The following CTNNA3 variants were observed in gnomAD, a reference collection of about 807,000 sequenced individuals.
CTNNA3 encodes the protein catenin alpha-3.
A neutral mutation model predicts 95.7 loss-of-function variants in CTNNA3; 76 were observed. That is an observed-to-expected ratio of 0.79 (90% CI 0.66 to 0.96). The LOEUF is 0.96. Ranked by LOEUF, CTNNA3 falls within the 40% of genes least tolerant of loss-of-function variation. The pLI is 0.00. For missense variants in CTNNA3, 1,191 were observed against 1,089.8 expected, an observed-to-expected ratio of 1.09 and a Z score of -1.31; for synonymous variants, 431 against 374.4, an observed-to-expected ratio of 1.15 and a Z score of -1.74.
chr10:66,385,526 G>T (rs911061575), intron 11 of CTNNA3, among the ~76,000 whole-genome samples: 1 of 152,104 alleles, frequency 6.6e-6, no homozygotes, highest in Non-Finnish European at 1.5e-5. Flanking sequence ...AGAGGAGCTG[G>T]TACCATTCCT....
chr10:67,300,220 C>T (rs1840211504), intron 5 of CTNNA3, among the ~76,000 whole-genome samples: 2 of 152,172 alleles, frequency 1.3e-5, no homozygotes, highest in South Asian at 2.1e-4. Context: ...CCCATAGATG[C>T]TTACAGGTCA....
chr10:67,033,881 C>A, intron 7 of CTNNA3, among the ~76,000 whole-genome samples: 1 of 152,212 alleles, frequency 6.6e-6, no homozygotes, highest in South Asian at 2.1e-4. Context: ...AGCAATTCTG[C>A]CTCACTCAGC....
intron 2 of CTNNA3, among the ~76,000 whole-genome samples, chr10:67,609,016 G>T (rs1366756301): frequency 6.7e-6 from 1 of 149,922 alleles, no homozygotes; most frequent in Non-Finnish European, 1.5e-5. Flanking sequence ...CTTGAACCCG[G>T]CAGGCAGAGG....
At chr10:67,738,607 G>C (rs1161925077) in intron 1 of CTNNA3, among the ~76,000 whole-genome samples, 2 of 152,036 alleles carry the variant, frequency 1.3e-5, no homozygotes, top group Admixed American at 6.6e-5. Flanking sequence ...TTGATGAGTT[G>C]AGAGAAGAAG....
chr10:66,540,466 T>C (rs536905322), intron 10 of CTNNA3, among the ~76,000 whole-genome samples: 7 of 152,256 alleles, frequency 4.6e-5, no homozygotes. Context: ...ATCTGCTATC[T>C]TGGACAGAAA....
At chr10:66,104,296 A>G (rs1018527469) in intron 13 of CTNNA3, among the ~76,000 whole-genome samples, 1 of 152,114 alleles carries the variant, frequency 6.6e-6, no homozygotes, top group Non-Finnish European at 1.5e-5. Context: ...ACTTTAATAT[A>G]TCATCGCTGA....
intron 1 of CTNNA3, among the ~76,000 whole-genome samples, chr10:67,761,872 C>T (rs1038565116): frequency 3.0e-5 from 4 of 131,360 alleles, no homozygotes; most frequent in African/African-American, 1.3e-4. Flanking sequence ...AGCAAGACTC[C>T]GTCAAAAAAA....
At chr10:66,222,052 T>A (rs545029258) in intron 13 of CTNNA3, among the ~76,000 whole-genome samples, 8 of 152,176 alleles carry the variant, frequency 5.3e-5, no homozygotes, top group Non-Finnish European at 1.2e-4. Flanking sequence ...TTATTTTAAT[T>A]AAAATTGGTT....
intron 9 of CTNNA3, among the ~76,000 whole-genome samples, chr10:66,660,282 T>G (rs568423499): frequency 6.6e-6 from 1 of 152,310 alleles, no homozygotes; most frequent in African/African-American, 2.4e-5. Context: ...GATGCCAGTG[T>G]GGTTCTTCTG....
chr10:67,701,688 C>A (rs1417049116), intron 1 of CTNNA3, among the ~76,000 whole-genome samples: 1 of 152,134 alleles, frequency 6.6e-6, no homozygotes, highest in Non-Finnish European at 1.5e-5. Context: ...ACTGTAAAGA[C>A]CATCGAGGCT....
chr10:67,759,817 T>C (rs984942557), intron 1 of CTNNA3, among the ~76,000 whole-genome samples: 8 of 152,144 alleles, frequency 5.3e-5, no homozygotes, highest in African/African-American at 1.9e-4. Flanking sequence ...GCCCCCCTAC[T>C]GACAACCAGC....
chr10:66,513,833 T>C (rs1186914921), intron 11 of CTNNA3, among the ~76,000 whole-genome samples: 1 of 152,166 alleles, frequency 6.6e-6, no homozygotes, highest in Non-Finnish European at 1.5e-5. Context: ...AGAGCCTCCC[T>C]GACGTGCAGG....
At chr10:66,735,634 A>AT (rs1278329177) in intron 9 of CTNNA3, among the ~76,000 whole-genome samples, 2 of 152,108 alleles carry the variant, frequency 1.3e-5, no homozygotes, top group Non-Finnish European at 2.9e-5. Context: ...ACCAGAGTTG[A>AT]TTAAGTTATC....
Position 67,586,255 on chromosome 10 carries a change from T to C in CTNNA3, c.292+20602A>G, listed in dbSNP as rs569190483. On this transcript the variant is annotated intron_variant, in intron 3 of 17. Coordinates refer to ENST00000433211, the MANE Select transcript of CTNNA3 (RefSeq NM_013266.4). ...TTGCAGCCTAATATATGGTCTATCT[T>C]GGAGAACATTCCATTGCTAATGTAA... Among the ~76,000 whole-genome samples, 4 of 152,300 alleles carry C rather than the reference T, an allele frequency of 2.6e-5. No homozygotes were observed. In the South Asian group the frequency reaches 8.3e-4, roughly 32 times the overall value.
intron 11 of CTNNA3, among the ~76,000 whole-genome samples, chr10:66,404,957 C>T (rs16922995): frequency 5.3e-5 from 8 of 152,002 alleles, no homozygotes; most frequent in Non-Finnish European, 8.8e-5. Flanking sequence ...GAGAAGTAAG[C>T]GTGATATCCT....
intron 13 of CTNNA3, among the ~76,000 whole-genome samples, chr10:66,247,629 T>C (rs973307259): frequency 6.6e-6 from 1 of 152,142 alleles, no homozygotes; most frequent in Non-Finnish European, 1.5e-5. Context: ...ATAAGAGAGC[T>C]ACATTACATC....
chr10:67,485,702 C>T (rs995210295), intron 5 of CTNNA3, among the ~76,000 whole-genome samples: 2 of 152,112 alleles, frequency 1.3e-5, no homozygotes, highest in African/African-American at 4.8e-5. Context: ...TTAATCTCCC[C>T]TTTGAACAGG....
At chr10:67,581,681 C>CAT (rs1842405653) in intron 3 of CTNNA3, among the ~76,000 whole-genome samples, 1 of 152,056 alleles carries the variant, frequency 6.6e-6, no homozygotes, top group Admixed American at 6.6e-5. Context: ...TGTGAATCTG[C>CAT]CTGGTCCTGG....
chr10:66,871,469 G>A (rs1031045692), intron 7 of CTNNA3, among the ~76,000 whole-genome samples: 1 of 150,478 alleles, frequency 6.6e-6, no homozygotes, highest in African/African-American at 2.4e-5. Flanking sequence ...GGCTGACGCA[G>A]GAGAATCTCT....
Sources: allele counts gnomAD v4.1 joint callset (sites outside exome capture counted in the v4.1 genomes callset), GRCh38; gene constraint gnomAD v4.1.1; transcripts MANE v1.5; gene names NCBI Gene and HGNC (gene_info 2026-07-23, HGNC 2026-07-21).